The following KDM4C variants were observed in gnomAD, a reference collection of about 807,000 sequenced individuals.
KDM4C encodes lysine-specific demethylase 4C.
In KDM4C, 81 loss-of-function variants were observed where a neutral mutation model predicts 129.3. The observed-to-expected ratio is 0.63, with a 90% CI of 0.52 to 0.75. The LOEUF (loss-of-function observed/expected upper bound fraction) is 0.75, where lower values mean the gene tolerates loss of function less well. KDM4C is among the 30% of genes least tolerant of loss of function. The probability of loss-of-function intolerance (pLI) is 0.00; values close to 1 mark genes in which losing one functional copy is unlikely to be tolerated. For synonymous variants in KDM4C, 573 were observed against 456.1 expected (o/e 1.26, Z -3.26); for missense variants, 1,457 against 1,304.0 (o/e 1.12, Z -1.81).
At chr9:7,074,834 T>TA (rs1448006116) in intron 17 of KDM4C, among the ~76,000 whole-genome samples, 1 of 152,170 alleles carries the variant, frequency 6.6e-6, no homozygotes, top group East Asian at 1.9e-4. Flanking sequence ...GACATGCTGA[T>TA]ACGTTTTTAT....
chr9:6,853,759 GTAT>G (rs1027490791), intron 5 of KDM4C, among the ~76,000 whole-genome samples: 2 of 152,208 alleles, frequency 1.3e-5, no homozygotes, highest in African/African-American at 2.4e-5. Flanking sequence ...CAGTGGTAAA[GTAT>G]TATTTTCTTG....
intron 8 of KDM4C, among the ~76,000 whole-genome samples, chr9:6,942,024 T>A (rs868392586): frequency 6.6e-5 from 10 of 152,310 alleles, no homozygotes; most frequent in African/African-American, 9.6e-5. Context: ...GATTTGAAAC[T>A]CTTTTAAAAA....
At chr9:7,040,153 A>G (rs1828312561) in intron 15 of KDM4C, among the ~76,000 whole-genome samples, 1 of 152,070 alleles carries the variant, frequency 6.6e-6, no homozygotes. Flanking sequence ...GACTCTTAAA[A>G]CAGTATAACT....
Position 6,793,085 on chromosome 9 carries a change from C to G in KDM4C, c.97C>G (p.Leu33Val), listed in dbSNP as rs778961814. 85 of 1,614,084 alleles carry G rather than the reference C, an allele frequency of 5.3e-5. No individual in the cohort carries two copies. In the Admixed American group the frequency reaches 9.8e-4, roughly 19 times the overall value. The change falls in exon 2 of 22, where the codon CTT (leucine) becomes GTT (valine). Residue 33 changes from leucine (L) to valine (V), a missense_variant. Physicochemically the swap from Leu to Val is conservative, Grantham distance 32 (BLOSUM62 1). Transcript: ENST00000381309. ...MEEFREFNKY[L>V]AYMESKGAHR... ...GGAGTTCCGGGAGTTCAACAAATAC[C>G]TTGCATACATGGAGTCTAAAGGAGC...
chr9:6,950,042 GT>G (rs35466020), intron 8 of KDM4C, among the ~76,000 whole-genome samples: 1,858 of 122,582 alleles, frequency 0.015, 39 homozygotes, highest in African/African-American at 0.053. Flanking sequence ...CATGTGGCTG[GT>G]TTTTTTTTTT....
At chr9:7,091,629 CT>C (rs1835814791) in intron 17 of KDM4C, among the ~76,000 whole-genome samples, 1 of 152,188 alleles carries the variant, frequency 6.6e-6, no homozygotes, top group African/African-American at 2.4e-5. Flanking sequence ...CTTCAAAGTC[CT>C]GGCTGAAAAC....
chr9:6,755,521 C>A (rs1285408051), upstream of KDM4C, among the ~76,000 whole-genome samples: 1 of 152,148 alleles, frequency 6.6e-6, no homozygotes, highest in Admixed American at 6.5e-5. Context: ...GCACTCCAGC[C>A]TGGGCAACAG....
At chr9:6,850,835 A>G (rs1838710063) in intron 5 of KDM4C, among the ~76,000 whole-genome samples, 1 of 152,018 alleles carries the variant, frequency 6.6e-6, no homozygotes, top group Non-Finnish European at 1.5e-5. Flanking sequence ...GCTCACTGCA[A>G]CCTCCACCTC....
chr9:6,815,287 C>T (rs1831877319), intron 4 of KDM4C: 1 of 151,864 alleles, frequency 6.6e-6, no homozygotes, highest in Non-Finnish European at 1.5e-5. Context: ...TTGCCTTTTC[C>T]TGATATTTTA....
At position 7,081,289 on chromosome 9, in the gene KDM4C, A is replaced by C. The variant is rs575234234; in HGVS notation, c.2425-22396A>C. 2.6e-5 allele frequency among the ~76,000 whole-genome samples: 4 copies of C among 152,312 alleles called. No individual in the cohort carries two copies. The East Asian group carries it at 7.7e-4, about 29-fold the overall frequency. On this transcript the variant is annotated intron_variant, in intron 17 of 21. Transcript: ENST00000381309. ...AGGACCTGGGCCAAGTGTTTGTGGG[A>C]AAGAAATTGAAGAATAACTAGGTGC...
At chr9:6,883,156 CTT>C (rs1379059031) in intron 6 of KDM4C, among the ~76,000 whole-genome samples, 1 of 152,168 alleles carries the variant, frequency 6.6e-6, no homozygotes, top group African/African-American at 2.4e-5. Context: ...ATACCTCTCT[CTT>C]GGAAATTAGG....
intron 8 of KDM4C, among the ~76,000 whole-genome samples, chr9:6,906,400 T>C (rs1327409695): frequency 6.6e-6 from 1 of 152,196 alleles, no homozygotes; most frequent in Non-Finnish European, 1.5e-5. Flanking sequence ...TAAGTACCTG[T>C]TGTTGTCTCA....
intron 5 of KDM4C, among the ~76,000 whole-genome samples, chr9:6,872,393 T>G (rs538539810): frequency 6.6e-6 from 1 of 152,300 alleles, no homozygotes; most frequent in Admixed American, 6.5e-5. Flanking sequence ...GTCCACTTGG[T>G]CCAGAGCTGA....
chr9:6,793,203 A>G (rs1249524980), intron 2 of KDM4C, 71 bp downstream of exon 2: 3 of 1,513,808 alleles, frequency 2.0e-6, no homozygotes, highest in East Asian at 2.3e-5. Flanking sequence ...AGTTTTCACG[A>G]TTTGGGACAT....
chr9:6,878,950 G>A (rs1490389944), intron 5 of KDM4C, among the ~76,000 whole-genome samples: 1 of 152,096 alleles, frequency 6.6e-6, no homozygotes, highest in Non-Finnish European at 1.5e-5. Context: ...TTCCCATTTC[G>A]GTTGGAACAA....
rs373074578 is a variant in KDM4C, at chr9:6,950,667, A to G, written c.922-30258A>G. ...CAAAACTAGCTCTTCTAGCTAGCCAATGTTCCCTCCTGATAACGTTTATTG... is the reference window on the plus strand; with the variant it reads ...CAAAACTAGCTCTTCTAGCTAGCCAGTGTTCCCTCCTGATAACGTTTATTG... On this transcript the variant is annotated intron_variant, in intron 8 of 21. Coordinates refer to ENST00000381309, the MANE Select transcript of KDM4C (RefSeq NM_015061.6). Among the ~76,000 whole-genome samples the G allele has an allele frequency of 9.0e-4, 137 of 152,314 alleles. 1 individual carries two copies. Among genetic ancestry groups the G allele is most frequent in the South Asian group, 8.5e-3 (41 of 4,828 alleles).
chr9:6,741,090 C>G (rs1817678148), intron 1 of KDM4C, among the ~76,000 whole-genome samples: 1 of 151,840 alleles, frequency 6.6e-6, no homozygotes, highest in African/African-American at 2.4e-5. Flanking sequence ...TTGTTTTCAA[C>G]TATGAAATAT....
At position 6,758,381 on chromosome 9, in the gene KDM4C, C is replaced by T. The variant is rs1588082745; in HGVS notation, c.-18+178C>T. ...ACTGTCAAGCTGGGGAGGGAGCGGCCGGCCGCGGCCGCAGGGGAGGGATGC... is the reference window on the plus strand; with the variant it reads ...ACTGTCAAGCTGGGGAGGGAGCGGCTGGCCGCGGCCGCAGGGGAGGGATGC... On this transcript the variant is annotated intron_variant, in intron 1 of 21. Coordinates refer to ENST00000381309, the MANE Select transcript of KDM4C (RefSeq NM_015061.6). This position sits in a 1 kb window ranked among gnomAD's most constrained non-coding sequence, Gnocchi z 4.6. Among the ~76,000 whole-genome samples, 2 of 151,646 alleles carry T rather than the reference C, an allele frequency of 1.3e-5. No individual in the cohort carries two copies. The highest frequency in any genetic ancestry group is 4.8e-5 in the African/African-American group (2 of 41,336).
At chr9:6,751,724 T>C (rs910119948) in intron 1 of KDM4C, among the ~76,000 whole-genome samples, 4 of 152,178 alleles carry the variant, frequency 2.6e-5, no homozygotes, top group African/African-American at 9.6e-5. Context: ...AGGATAGTTG[T>C]TCACAATAGT....
Sources: gnomAD v4.1 joint callset for allele counts (sites outside exome capture counted in the v4.1 genomes callset) on GRCh38, gnomAD v4.1.1 for gene constraint, Gnocchi (gnomAD v3.1) non-coding constraint, MANE v1.5 for transcripts, NCBI Gene and HGNC (gene_info 2026-07-23, HGNC 2026-07-21) for gene names.